PDZD2: variants seen among roughly 807,000 people sequenced by gnomAD.
PDZD2 encodes the protein PDZ domain-containing protein 2.
In PDZD2, 90 loss-of-function variants were observed where a neutral mutation model predicts 220.7. The observed-to-expected ratio is 0.41, with a 90% CI of 0.34 to 0.49. The LOEUF (loss-of-function observed/expected upper bound fraction) is 0.49. Among genes scored for constraint, PDZD2 ranks in the 20% least tolerant of loss-of-function variants. The pLI is 0.28. For synonymous variants in PDZD2, 1,375 were observed against 1,450.5 expected (o/e 0.95, Z 1.18); for missense variants, 3,174 against 3,608.5 (o/e 0.88, Z 3.08).
At chr5:31,776,146 C>T (rs3922970) in intron 1 of PDZD2, among the ~76,000 whole-genome samples, 69,813 of 152,056 alleles carry the variant, frequency 0.46, 16,915 homozygotes, top group African/African-American at 0.58. Flanking sequence ...GGGGCCTTCA[C>T]TGGCGGAGCC....
chr5:32,032,786 G>A lies in PDZD2; in HGVS notation c.1408-4445G>A, dbSNP rs1299686542. ...CCATTTTTCAGATGAGGACACTGAC[G>A]TTCAAAGAGGTTGACTGACGTGCCT... On this transcript the variant is annotated intron_variant, in intron 6 of 24. Coordinates refer to ENST00000438447, the MANE Select transcript of PDZD2 (RefSeq NM_178140.4). 3.9e-5 allele frequency among the ~76,000 whole-genome samples: 6 copies of A among 152,172 alleles called. No homozygotes were observed. The East Asian group carries it at 7.7e-4, about 20-fold the overall frequency.
rs746683258 is a variant in PDZD2 at position 32,014,939 on chromosome 5, C to CTTTTTT, written c.1407+4472_1407+4477dup. 2.7e-4 allele frequency among the ~76,000 whole-genome samples: 25 copies of CTTTTTT among 94,010 alleles called. 1 individual carries two copies. Among genetic ancestry groups the CTTTTTT allele is most frequent in the Non-Finnish European group, 3.3e-4 (16 of 48,394 alleles). 61.7% of individuals were successfully genotyped at this position (94,010 alleles called of 152,430 possible). ...TGGCCAGGATAGTCTCAATCTCTCT[C>CTTTTTT]TTTTTTTTTTTTTTTTTTTTGAGAC... On this transcript the variant is annotated intron_variant, in intron 6 of 24. Transcript: ENST00000438447.
In PDZD2 at chr5:31,667,452, G is replaced by A. The variant is rs112853236; in HGVS notation, c.-361+28015G>A. ...CTAGGTGCTTCCGGAAGAAAAATGA[G>A]GCAGGTTAAGGGACTACGGAGGGAT... On this transcript the variant is annotated intron_variant, in intron 1 of 24. Transcript: ENST00000438447. 9.4e-3 allele frequency among the ~76,000 whole-genome samples: 1,434 copies of A among 152,174 alleles called. 26 individuals are homozygous for A. The highest frequency in any genetic ancestry group is 0.033 in the African/African-American group (1,374 of 41,506).
At chr5:31,752,073 G>GTTTTTTTTTTTTTTTTTTTTTTTT (rs3032803) in intron 1 of PDZD2, among the ~76,000 whole-genome samples, 1 of 95,064 alleles carries the variant, frequency 1.1e-5, no homozygotes, top group African/African-American at 4.2e-5. Flanking sequence ...TTTTGGGTTT[G>GTTTTTTTTTTTTTTTTTTTTTTTT]TTTTTTTTTT....
At chr5:31,871,997 G>A (rs1182775464) in intron 2 of PDZD2, among the ~76,000 whole-genome samples, 2 of 152,018 alleles carry the variant, frequency 1.3e-5, no homozygotes, top group Non-Finnish European at 2.9e-5. Context: ...GGCTAAAAAA[G>A]CAGAATATTA....
intron 2 of PDZD2, among the ~76,000 whole-genome samples, chr5:31,824,369 A>G (rs972441401): frequency 5.9e-5 from 8 of 135,704 alleles, no homozygotes; most frequent in African/African-American, 2.3e-4. Context: ...GCAACATGCA[A>G]TTTAGTACTT....
chr5:31,780,553 C>T (rs958432517), intron 1 of PDZD2, among the ~76,000 whole-genome samples: 4 of 152,082 alleles, frequency 2.6e-5, no homozygotes, highest in Admixed American at 2.0e-4. Flanking sequence ...ACATTTCTGC[C>T]CTCTGGGATA....
intron 1 of PDZD2, among the ~76,000 whole-genome samples, chr5:31,769,126 C>A (rs1752198911): frequency 6.6e-6 from 1 of 152,214 alleles, no homozygotes; most frequent in Non-Finnish European, 1.5e-5. Flanking sequence ...GCAGATGCAG[C>A]CGGAGAGCCC....
chr5:32,067,864 AC>A lies in PDZD2; in HGVS notation c.2452-1704del, dbSNP rs549149366. On this transcript the variant is annotated intron_variant, in intron 14 of 24. Coordinates refer to ENST00000438447, the MANE Select transcript of PDZD2 (RefSeq NM_178140.4). ...GAAGGAATAGAAAACTTATAGAAGC[AC>A]TGTTTTGAAAGCTTCATAGTCATAC... 2.3e-3 allele frequency among the ~76,000 whole-genome samples: 356 copies of A among 152,342 alleles called. 2 individuals are homozygous for A. Among genetic ancestry groups the A allele is most frequent in the African/African-American group, 8.5e-3 (352 of 41,582 alleles).
Position 32,109,982 on chromosome 5 carries a change from T to G in PDZD2, c.*1847T>G, listed in dbSNP as rs1745218118. 1 of 152,624 alleles carries G rather than the reference T, an allele frequency of 6.6e-6. No homozygotes were observed. Among genetic ancestry groups the G allele is most frequent in the South Asian group, 2.1e-4 (1 of 4,822 alleles). The allele number at this position is 152,624 out of a possible 1,614,324, so 9.5% of individuals were successfully genotyped here. A position where few individuals can be genotyped will look rare whatever the true frequency, so the allele number is the denominator to read the frequency against. On this transcript the variant is annotated 3_prime_UTR_variant, in exon 25 of 25. Coordinates refer to ENST00000438447, the MANE Select transcript of PDZD2 (RefSeq NM_178140.4). ...GTCTTATTGATTTTACTTCTACTTT[T>G]CACTACAGTTACAGGTAGAATACTG...
At chr5:32,026,844 A>G (rs1021048650) in intron 6 of PDZD2, among the ~76,000 whole-genome samples, 1 of 152,222 alleles carries the variant, frequency 6.6e-6, no homozygotes, top group Non-Finnish European at 1.5e-5. Context: ...AAGGTTGAAC[A>G]CATGCATTCT....
chr5:32,023,405 A>T (rs1365822316), intron 6 of PDZD2, among the ~76,000 whole-genome samples: 3 of 152,072 alleles, frequency 2.0e-5, no homozygotes, highest in African/African-American at 7.2e-5. Flanking sequence ...CAAAAAACAA[A>T]CCAACCTTTT....
intron 11 of PDZD2, 62 bp from the exon 12 acceptor site, chr5:32,057,816 T>TTTA: frequency 7.1e-7 from 1 of 1,405,848 alleles, no homozygotes; most frequent in African/African-American, 1.4e-5. Flanking sequence ...TTTTTTTTTT[T>TTTA]AACCCTTTGA....
At chr5:31,853,307 C>G (rs1237817151) in intron 2 of PDZD2, among the ~76,000 whole-genome samples, 1 of 152,178 alleles carries the variant, frequency 6.6e-6, no homozygotes, top group South Asian at 2.1e-4. Flanking sequence ...TCTCACTGGG[C>G]ACATGTAGTG....
At chr5:31,662,900 G>T (rs1471574060) in intron 1 of PDZD2, among the ~76,000 whole-genome samples, 1 of 152,204 alleles carries the variant, frequency 6.6e-6, no homozygotes, top group Admixed American at 6.5e-5. Flanking sequence ...AAAGTGCTGG[G>T]ATTACAGGTG....
intron 1 of PDZD2, among the ~76,000 whole-genome samples, chr5:31,718,173 G>T (rs968109343): frequency 5.3e-5 from 8 of 152,220 alleles, no homozygotes; most frequent in Non-Finnish European, 1.0e-4. Flanking sequence ...GTCAAGGAGT[G>T]ACTTCCCAGT....
chr5:31,953,249 A>G (rs1747343590), intron 2 of PDZD2, among the ~76,000 whole-genome samples: 1 of 152,022 alleles, frequency 6.6e-6, no homozygotes, highest in Non-Finnish European at 1.5e-5. Context: ...GAGAGGAAGT[A>G]TTTCAAAAGC....
At chr5:31,662,784 C>T (rs1392038502) in intron 1 of PDZD2, among the ~76,000 whole-genome samples, 1 of 152,206 alleles carries the variant, frequency 6.6e-6, no homozygotes, top group Non-Finnish European at 1.5e-5. Flanking sequence ...CGCCCACCAC[C>T]ACGCCCAGCT....
rs775754803 is a variant in PDZD2 at position 32,074,076 on chromosome 5, G to A, written c.2970G>A (p.Pro990=). The part of the protein sequence containing the change: ...GDCISLPGAL[P]GPIRPLSEDD... The stretch of plus-strand genomic sequence containing the variant: ...GCATTTCACTCCCAGGGGCCCTCCC[G>A]GGTCCCATCAGGCCTCTGTCAGAGG... The change falls in exon 18 of 25, where the codon CCG becomes CCA. Residue 990 remains proline (P), a synonymous_variant. Coordinates refer to ENST00000438447, the MANE Select transcript of PDZD2 (RefSeq NM_178140.4). 77 of 1,614,058 alleles carry A rather than the reference G, an allele frequency of 4.8e-5. No homozygotes were observed. Among genetic ancestry groups the A allele is most frequent in the East Asian group, 2.2e-4 (10 of 44,886 alleles).
Sources: allele counts gnomAD v4.1 joint callset (sites outside exome capture counted in the v4.1 genomes callset), GRCh38; gene constraint gnomAD v4.1.1; transcripts MANE v1.5; gene names NCBI Gene and HGNC (gene_info 2026-07-23, HGNC 2026-07-21).